LPP: variants seen among roughly 807,000 people sequenced by gnomAD.
LPP encodes the protein LIM domain containing preferred translocation partner in lipoma.
A neutral mutation model predicts 60.4 loss-of-function variants in LPP; 38 were observed. The observed-to-expected ratio is 0.63, with a 90% CI of 0.49 to 0.83. LPP has a LOEUF of 0.83. LPP is among the 40% of genes least tolerant of loss of function. The pLI, the probability that LPP is intolerant of heterozygous loss-of-function variation, is 0.00. For missense variants in LPP, 902 were observed against 783.6 expected, an observed-to-expected ratio of 1.15 and a Z score of -1.80; for synonymous variants, 328 against 290.8, an observed-to-expected ratio of 1.13 and a Z score of -1.30.
chr3:188,511,677 C>T (rs190513654), intron 5 of LPP, among the ~76,000 whole-genome samples: 56 of 151,674 alleles, frequency 3.7e-4, no homozygotes, highest in African/African-American at 1.4e-3. Flanking sequence ...CTTTTTCTCT[C>T]TGATCCTTGG....
At chr3:188,808,240 C>CT (rs1262224058) in intron 9 of LPP, among the ~76,000 whole-genome samples, 1 of 152,032 alleles carries the variant, frequency 6.6e-6, no homozygotes, top group Non-Finnish European at 1.5e-5. Context: ...GAGACAACTT[C>CT]TTTTTTTGTC....
At chr3:188,651,223 C>G in intron 7 of LPP, among the ~76,000 whole-genome samples, 1 of 152,272 alleles carries the variant, frequency 6.6e-6, no homozygotes, top group South Asian at 2.1e-4. Context: ...ACATATATAA[C>G]GCAGTCTGCC....
At chr3:188,811,046 T>C (rs371685411) in intron 9 of LPP, among the ~76,000 whole-genome samples, 35 of 152,082 alleles carry the variant, frequency 2.3e-4, no homozygotes, top group African/African-American at 7.7e-4. Flanking sequence ...ATTCATTAAT[T>C]GTAGGAGAAT....
intron 9 of LPP, among the ~76,000 whole-genome samples, chr3:188,859,207 G>A (rs1247923774): frequency 1.3e-5 from 2 of 149,790 alleles, no homozygotes; most frequent in Non-Finnish European, 3.0e-5. Flanking sequence ...AAATGAATTT[G>A]TTTCAGTGCA....
chr3:188,268,486 G>A (rs1056698107), intron 2 of LPP, among the ~76,000 whole-genome samples: 3 of 152,216 alleles, frequency 2.0e-5, no homozygotes, highest in Admixed American at 1.3e-4. Context: ...CACAAGTGAG[G>A]TACAGAAACA....
intron 1 of LPP, among the ~76,000 whole-genome samples, chr3:188,161,768 A>G (rs1462997662): frequency 3.9e-5 from 6 of 152,162 alleles, no homozygotes; most frequent in Non-Finnish European, 7.4e-5. Flanking sequence ...GGAGAATTTT[A>G]GGAGAGGATG....
intron 10 of LPP, among the ~76,000 whole-genome samples, chr3:188,869,411 C>A (rs748014516): frequency 6.6e-6 from 1 of 152,206 alleles, no homozygotes; most frequent in South Asian, 2.1e-4. Context: ...CTGCCTCAGC[C>A]TCCCAAGTAG....
chr3:188,872,604 ACG>A (rs1217887479), intron 10 of LPP, 37 bp from the exon 11 acceptor site: 2 of 1,613,556 alleles, frequency 1.2e-6, no homozygotes, highest in South Asian at 2.2e-5. Flanking sequence ...CTCAGTGTCG[ACG>A]CGCAGTATCT....
chr3:188,735,256 C>T (rs962954644), intron 8 of LPP, among the ~76,000 whole-genome samples: 4 of 152,084 alleles, frequency 2.6e-5, no homozygotes, highest in East Asian at 3.9e-4. Context: ...ATTATATCAA[C>T]AATAGCTTTA....
At position 188,736,406 on chromosome 3, in the gene LPP, A is replaced by G. The variant is rs536432707; in HGVS notation, c.1241-23707A>G. On this transcript the variant is annotated intron_variant, in intron 8 of 11. Coordinates refer to ENST00000617246, the MANE Select transcript of LPP (RefSeq NM_001375462.1). Reference sequence around the variant, plus strand: ...AGGAATGTAAATAATTCTTAAGTAGATAAATACAAATGGATATTTAACTTA... The same window carrying G: ...AGGAATGTAAATAATTCTTAAGTAGGTAAATACAAATGGATATTTAACTTA... 1.3e-4 allele frequency among the ~76,000 whole-genome samples: 20 copies of G among 152,310 alleles called. No homozygotes were observed. In the East Asian group the frequency reaches 3.1e-3, roughly 23 times the overall value.
rs906560482 is a variant in LPP at position 188,881,515 on chromosome 3, C to T, written c.*7036C>T. ...GGCTTTCTTTAGGGTTGAAAGTAAACGAAATTGGAATCACCCAAAGAGAAT... is the reference window on the plus strand; with the variant it reads ...GGCTTTCTTTAGGGTTGAAAGTAAATGAAATTGGAATCACCCAAAGAGAAT... On this transcript the variant is annotated 3_prime_UTR_variant, in exon 12 of 12. Transcript: ENST00000617246. The T allele has an allele frequency of 2.8e-5, 6 of 213,526 alleles. No homozygotes were observed. Among genetic ancestry groups the T allele is most frequent in the Admixed American group, 5.8e-5 (1 of 17,108 alleles). 13.2% of individuals were successfully genotyped at this position (213,526 alleles called of 1,614,324 possible).
At chr3:188,394,580 G>GTGTGTGTGTGTA (rs1369512940) in intron 3 of LPP, among the ~76,000 whole-genome samples, 4 of 151,550 alleles carry the variant, frequency 2.6e-5, no homozygotes, top group East Asian at 3.9e-4. Flanking sequence ...GTGTGTGTGT[G>GTGTGTGTGTGTA]TGTATGTATT....
rs757176980 is a variant in LPP, at chr3:188,879,487, G to T, written c.*5008G>T. Reference sequence around the variant, plus strand: ...TTTAGGTTGTATTTATTCGTAAAGTGAAATGAGATAATAGAGTCTTTCTGT... The same window carrying T: ...TTTAGGTTGTATTTATTCGTAAAGTTAAATGAGATAATAGAGTCTTTCTGT... On this transcript the variant is annotated 3_prime_UTR_variant, in exon 12 of 12. Transcript: ENST00000617246. 9 of 202,652 alleles carry T rather than the reference G, an allele frequency of 4.4e-5. No homozygotes were observed. The highest frequency in any genetic ancestry group is 9.1e-5 in the Non-Finnish European group (9 of 98,718). The allele number at this position is 202,652 out of a possible 1,614,324, so 12.6% of individuals were successfully genotyped here.
intron 7 of LPP, among the ~76,000 whole-genome samples, chr3:188,694,711 T>TA (rs1273864312): frequency 0.023 from 3,410 of 149,896 alleles, 108 homozygotes; most frequent in African/African-American, 0.078. Context: ...AAAAAAAAAA[T>TA]AAATAAAAAC....
In LPP at chr3:188,178,853, T is replaced by A. The variant is rs745527414; in HGVS notation, c.-190+24601T>A. ...AAGTATTGTAATACTGGTCTCTGTT[T>A]ATGATATATGGAAGAAGTTTCCTAG... is the stretch of plus-strand genomic sequence containing the variant. On this transcript the variant is annotated intron_variant, in intron 1 of 11. Transcript: ENST00000617246. 3.6e-4 allele frequency: 80 copies of A among 219,320 alleles called. 1 individual carries two copies. Among genetic ancestry groups the A allele is most frequent in the Non-Finnish European group, 6.6e-4 (71 of 107,130 alleles). 13.6% of individuals were successfully genotyped at this position (219,320 alleles called of 1,614,324 possible).
intron 9 of LPP, among the ~76,000 whole-genome samples, chr3:188,780,047 T>C (rs1739141426): frequency 6.6e-6 from 1 of 152,176 alleles, no homozygotes; most frequent in Admixed American, 6.5e-5. Flanking sequence ...TGTAAGGCTG[T>C]GTGGCTCTAA....
chr3:188,241,199 C>G (rs1216371741), intron 2 of LPP, among the ~76,000 whole-genome samples: 1 of 152,216 alleles, frequency 6.6e-6, no homozygotes, highest in Non-Finnish European at 1.5e-5. Context: ...GATAGAACTA[C>G]TGATATAGCA....
rs1330789449 is a variant in LPP at position 188,203,478 on chromosome 3, T to A, written c.-189-21927T>A. 1.7e-3 allele frequency among the ~76,000 whole-genome samples: 153 copies of A among 91,066 alleles called. 2 individuals are homozygous for A. Among genetic ancestry groups the A allele is most frequent in the African/African-American group, 6.6e-3 (149 of 22,690 alleles). The allele number at this position is 91,066 out of a possible 152,430, so 59.7% of individuals were successfully genotyped here. A position where few individuals can be genotyped will look rare whatever the true frequency, so the allele number is the denominator to read the frequency against. On this transcript the variant is annotated intron_variant, in intron 1 of 11. Transcript: ENST00000617246. The stretch of plus-strand genomic sequence containing the variant: ...ATATAAATATATATATTTTTAAATA[T>A]ATATATATTTTTAAATATATATAAA...
chr3:188,805,266 T>C (rs1291855449), intron 9 of LPP, among the ~76,000 whole-genome samples: 1 of 151,978 alleles, frequency 6.6e-6, no homozygotes, highest in Admixed American at 6.6e-5. Context: ...TGTATGGAAT[T>C]GGTATTATTA....
Sources: allele counts gnomAD v4.1 joint callset (sites outside exome capture counted in the v4.1 genomes callset), GRCh38; gene constraint gnomAD v4.1.1; transcripts MANE v1.5; gene names NCBI Gene and HGNC (gene_info 2026-07-23, HGNC 2026-07-21).